IGSF3: variants seen among roughly 807,000 people sequenced by gnomAD.
IGSF3 encodes glu-Trp-Ile EWI motif-containing protein 3.
A neutral mutation model predicts 114.4 loss-of-function variants in IGSF3; 23 were observed. The observed-to-expected ratio is 0.20, with a 90% CI of 0.14 to 0.28. The LOEUF (loss-of-function observed/expected upper bound fraction) is 0.28, where lower values mean the gene tolerates loss of function less well. Among genes scored for constraint, IGSF3 ranks in the 10% least tolerant of loss-of-function variants. The pLI is 1.00. For synonymous variants in IGSF3, 571 were observed against 645.2 expected (o/e 0.88, Z 1.74); for missense variants, 1,172 against 1,591.5 (o/e 0.74, Z 4.48).
intron 2 of IGSF3, among the ~76,000 whole-genome samples, chr1:116,631,601 G>T (rs1647596428): frequency 6.6e-6 from 1 of 152,174 alleles, no homozygotes; most frequent in Admixed American, 6.5e-5. Flanking sequence ...TAGTTAACAG[G>T]CAAGAGAATG....
rs1659282220 is a variant in IGSF3, at chr1:116,575,020, C to A, written c.*2292G>T. ...TGCTTTACATATTTGTGTGCAGCACCTACTTCTTTATCGCCGTGAACTGAA... is the reference window on the plus strand; with the variant it reads ...TGCTTTACATATTTGTGTGCAGCACATACTTCTTTATCGCCGTGAACTGAA... On this transcript the variant is annotated 3_prime_UTR_variant, in exon 11 of 11. Coordinates refer to ENST00000369486, the MANE Select transcript of IGSF3 (RefSeq NM_001007237.3). The surrounding 1 kb of genome is among the most constrained non-coding windows in gnomAD (Gnocchi z 5.6). 6.6e-6 allele frequency: 1 copy of A among 152,504 alleles called. No homozygotes were observed. The highest frequency in any genetic ancestry group is 1.9e-4 in the East Asian group (1 of 5,196). 9.4% of individuals were successfully genotyped at this position (152,504 alleles called of 1,614,324 possible). A position where few individuals can be genotyped will look rare whatever the true frequency, so the allele number is the denominator to read the frequency against.
At chr1:116,606,843 G>A (rs915412856) in intron 5 of IGSF3, among the ~76,000 whole-genome samples, 14 of 152,128 alleles carry the variant, frequency 9.2e-5, no homozygotes, top group Non-Finnish European at 1.8e-4. Flanking sequence ...ATTGCAGGGC[G>A]GAAAAAGCTA....
chr1:116,621,946 G>A (rs1661433760), intron 2 of IGSF3, among the ~76,000 whole-genome samples: 1 of 152,194 alleles, frequency 6.6e-6, no homozygotes, highest in Admixed American at 6.5e-5. Flanking sequence ...CTAGGGGCAG[G>A]AGGTATGACT....
At chr1:116,580,985 C>A (rs1489595837) in intron 9 of IGSF3, among the ~76,000 whole-genome samples, 1 of 152,220 alleles carries the variant, frequency 6.6e-6, no homozygotes, top group Non-Finnish European at 1.5e-5. Flanking sequence ...GAATAAATTT[C>A]TTTTGTTTTA....
rs1348288479 is a variant in IGSF3 at position 116,614,760 on chromosome 1, G to A, written c.422-585C>T. On this transcript the variant is annotated intron_variant, in intron 3 of 10. Transcript: ENST00000369486. The surrounding 1 kb of genome is among the most constrained non-coding windows in gnomAD (Gnocchi z 4.5). ...GGGTTTAATTTTCGCATAATTCATC[G>A]ATCAAAGGGGTCCTCACTGGAAGGA... 3.9e-5 allele frequency among the ~76,000 whole-genome samples: 6 copies of A among 151,928 alleles called. No individual in the cohort carries two copies. The highest frequency in any genetic ancestry group is 4.8e-5 in the African/African-American group (2 of 41,336).
chr1:116,578,539 A>G (rs1369325160), intron 10 of IGSF3, among the ~76,000 whole-genome samples: 2 of 152,214 alleles, frequency 1.3e-5, no homozygotes, highest in Non-Finnish European at 2.9e-5. Context: ...GTTCTAACAC[A>G]ATGTGAGCAC....
In IGSF3 at chr1:116,638,937, A is replaced by T. The variant is rs1479135762; in HGVS notation, c.44-22480T>A. Among the ~76,000 whole-genome samples the T allele has an allele frequency of 6.6e-6, 1 of 152,180 alleles. No homozygotes were observed. Among genetic ancestry groups the T allele is most frequent in the African/African-American group, 2.4e-5 (1 of 41,432 alleles). On this transcript the variant is annotated intron_variant, in intron 2 of 10. Coordinates refer to ENST00000369486, the MANE Select transcript of IGSF3 (RefSeq NM_001007237.3). This position sits in a 1 kb window ranked among gnomAD's most constrained non-coding sequence, Gnocchi z 4.1. The stretch of plus-strand genomic sequence containing the variant: ...GTCTGCATGCATGCTGAACCATTCC[A>T]GCTGCGCCACTGCCCAGGAAAAAAG...
In IGSF3 at chr1:116,624,735, T is replaced by C. The variant is rs1359679426; in HGVS notation, c.44-8278A>G. Among the ~76,000 whole-genome samples, 5 of 152,162 alleles carry C rather than the reference T, an allele frequency of 3.3e-5. No homozygotes were observed. The highest frequency in any genetic ancestry group is 7.4e-5 in the Non-Finnish European group (5 of 68,026). On this transcript the variant is annotated intron_variant, in intron 2 of 10. Transcript: ENST00000369486. This position sits in a 1 kb window ranked among gnomAD's most constrained non-coding sequence, Gnocchi z 4.9. ...TCACTGTGTGGCTTCCAATCCTAGG[T>C]CATGGAAAGTGATGTAGCTTCCATT...
In IGSF3 at chr1:116,607,669, G is replaced by A. The variant is rs1660840586; in HGVS notation, c.1222+273C>T. On this transcript the variant is annotated intron_variant, in intron 5 of 10. Transcript: ENST00000369486. This position sits in a 1 kb window ranked among gnomAD's most constrained non-coding sequence, Gnocchi z 6.1. Reference sequence around the variant, plus strand: ...CTGGCACTGCTTGTGTATGCACAGGGCTGCTAGCAATCAGATAGGCCTATG... The same window carrying A: ...CTGGCACTGCTTGTGTATGCACAGGACTGCTAGCAATCAGATAGGCCTATG... Among the ~76,000 whole-genome samples the A allele has an allele frequency of 6.6e-6, 1 of 152,112 alleles. No homozygotes were observed.
In IGSF3 at chr1:116,638,401, G is replaced by A. The variant is rs535889434; in HGVS notation, c.44-21944C>T. Among the ~76,000 whole-genome samples the A allele has an allele frequency of 1.2e-3, 188 of 152,272 alleles. No individual in the cohort carries two copies. The highest frequency in any genetic ancestry group is 2.0e-3 in the Non-Finnish European group (137 of 68,016). ...CCACTCAGTAAACTACTGCCATACA[G>A]GTCTCCCACAGCAGTTTCTCACCAG... On this transcript the variant is annotated intron_variant, in intron 2 of 10. Coordinates refer to ENST00000369486, the MANE Select transcript of IGSF3 (RefSeq NM_001007237.3). This position sits in a 1 kb window ranked among gnomAD's most constrained non-coding sequence, Gnocchi z 4.1.
At chr1:116,659,368 T>C (rs1172779462) in intron 2 of IGSF3, among the ~76,000 whole-genome samples, 1 of 152,086 alleles carries the variant, frequency 6.6e-6, no homozygotes, top group Non-Finnish European at 1.5e-5. Flanking sequence ...TGGCCCACAA[T>C]TAGTCAGTTA....
chr1:116,655,016 G>C lies in IGSF3; in HGVS notation c.43+11268C>G, dbSNP rs2101076098. On this transcript the variant is annotated intron_variant, in intron 2 of 10. Transcript: ENST00000369486. This position sits in a 1 kb window ranked among gnomAD's most constrained non-coding sequence, Gnocchi z 4.3. Reference sequence around the variant, plus strand: ...ACAAAACAGGAAGAAAAGAGGTTAAGTAATGGCAAGAAAAAAGATGTACCT... The same window carrying C: ...ACAAAACAGGAAGAAAAGAGGTTAACTAATGGCAAGAAAAAAGATGTACCT... Among the ~76,000 whole-genome samples, 1 of 152,274 alleles carries C rather than the reference G, an allele frequency of 6.6e-6. No homozygotes were observed. The highest frequency in any genetic ancestry group is 1.9e-4 in the East Asian group (1 of 5,186).
chr1:116,603,043 G>C lies in IGSF3; in HGVS notation c.1624+581C>G, dbSNP rs1332451958. Among the ~76,000 whole-genome samples the C allele has an allele frequency of 1.3e-5, 2 of 152,220 alleles. No individual in the cohort carries two copies. The highest frequency in any genetic ancestry group is 2.9e-5 in the Non-Finnish European group (2 of 68,030). On this transcript the variant is annotated intron_variant, in intron 6 of 10. Transcript: ENST00000369486. The surrounding 1 kb of genome is among the most constrained non-coding windows in gnomAD (Gnocchi z 7.1). ...TCAGTCTCAGTTTCCTCCATAAAAT[G>C]AAAGTGTCTGTCACTTGGCTAGGTG...
chr1:116,643,646 G>A (rs1431830896), intron 2 of IGSF3, among the ~76,000 whole-genome samples: 4 of 152,368 alleles, frequency 2.6e-5, no homozygotes, highest in African/African-American at 7.2e-5. Flanking sequence ...AGAAGGGCAG[G>A]TGGCTTCCTG....
chr1:116,641,662 A>G (rs1170989460), intron 2 of IGSF3, among the ~76,000 whole-genome samples: 3 of 152,114 alleles, frequency 2.0e-5, no homozygotes, highest in African/African-American at 7.2e-5. Flanking sequence ...CGTTCAGAAC[A>G]GGCAGAGAGC....
chr1:116,603,723 A>G lies in IGSF3; in HGVS notation c.1525T>C (p.Tyr509His). 1 of 1,613,878 alleles carries G rather than the reference A, an allele frequency of 6.2e-7. No individual in the cohort carries two copies. The highest frequency in any genetic ancestry group is 8.5e-7 in the Non-Finnish European group (1 of 1,179,854). ...ACCCATTCAGTCACATGGCATTCATACTGGCCCTCGTCCTCCTTCCTGCTG... is the reference window on the plus strand; with the variant it reads ...ACCCATTCAGTCACATGGCATTCATGCTGGCCCTCGTCCTCCTTCCTGCTG... Reference protein sequence around the residue: ...FNSRKEDEGQYECHVTEWVRA... With the variant: ...FNSRKEDEGQHECHVTEWVRA... The change falls in exon 6 of 11, where the codon TAT becomes CAT. Residue 509 changes from tyrosine (Y) to histidine (H), a missense_variant. Transcript: ENST00000369486. This position sits in a 1 kb window ranked among gnomAD's most constrained non-coding sequence, Gnocchi z 7.1.
In IGSF3 at chr1:116,636,717, C is replaced by G. The variant is rs899175403; in HGVS notation, c.44-20260G>C. ...TGGAACCCTGTCTTTTGCCTCGAAG[C>G]ACAGGGCCCTCCTTCTGTCCCACCC... On this transcript the variant is annotated intron_variant, in intron 2 of 10. Coordinates refer to ENST00000369486, the MANE Select transcript of IGSF3 (RefSeq NM_001007237.3). This position sits in a 1 kb window ranked among gnomAD's most constrained non-coding sequence, Gnocchi z 4.5. Among the ~76,000 whole-genome samples, 7 of 152,152 alleles carry G rather than the reference C, an allele frequency of 4.6e-5. No homozygotes were observed. The highest frequency in any genetic ancestry group is 1.7e-4 in the African/African-American group (7 of 41,424).
intron 2 of IGSF3, among the ~76,000 whole-genome samples, chr1:116,639,719 T>C (rs1647995942): frequency 6.6e-6 from 1 of 152,232 alleles, no homozygotes; most frequent in South Asian, 2.1e-4. Flanking sequence ...CACTGGCCTC[T>C]AGGAATCCAT....
chr1:116,618,232 T>C lies in IGSF3; in HGVS notation c.44-1775A>G, dbSNP rs921693109. The stretch of plus-strand genomic sequence containing the variant: ...CAGCAGAATCAGGAAAAATACAAAA[T>C]TGGCAGGGGAAGGAAATAAACAGAA... On this transcript the variant is annotated intron_variant, in intron 2 of 10. Transcript: ENST00000369486. This position sits in a 1 kb window ranked among gnomAD's most constrained non-coding sequence, Gnocchi z 4.7. Among the ~76,000 whole-genome samples the C allele has an allele frequency of 3.3e-5, 5 of 152,148 alleles. No individual in the cohort carries two copies. Among genetic ancestry groups the C allele is most frequent in the African/African-American group, 9.7e-5 (4 of 41,446 alleles).
Sources: allele counts gnomAD v4.1 joint callset (sites outside exome capture counted in the v4.1 genomes callset), GRCh38; gene constraint gnomAD v4.1.1; non-coding constraint Gnocchi (gnomAD v3.1); transcripts MANE v1.5; gene names NCBI Gene and HGNC (gene_info 2026-07-23, HGNC 2026-07-21).